The following ZUP1 variants were observed in gnomAD, a reference collection of about 807,000 sequenced individuals.
The protein encoded by ZUP1 is zinc finger-containing ubiquitin peptidase 1.
Under a neutral mutation model 68.1 loss-of-function variants are expected in ZUP1, and 55 were observed. The observed-to-expected ratio is 0.81, with a 90% CI of 0.65 to 1.01. ZUP1 has a LOEUF of 1.01. Among genes scored for constraint, ZUP1 ranks in the 50% least tolerant of loss-of-function variants. ZUP1 has a pLI of 0.00. For missense variants in ZUP1, 684 were observed against 674.9 expected, an observed-to-expected ratio of 1.01 and a Z score of -0.15; for synonymous variants, 223 against 221.5, an observed-to-expected ratio of 1.01 and a Z score of -0.06.
intron 9 of ZUP1, among the ~76,000 whole-genome samples, chr6:116,645,121 C>CA (rs1295012185): frequency 6.8e-6 from 1 of 146,574 alleles, no homozygotes; most frequent in African/African-American, 2.5e-5. Context: ...ATTTAAAATG[C>CA]AAAAAAATTA....
intron 9 of ZUP1, among the ~76,000 whole-genome samples, chr6:116,636,921 G>C (rs539165202): frequency 6.6e-6 from 1 of 152,058 alleles, no homozygotes; most frequent in Non-Finnish European, 1.5e-5. Context: ...TAAAGCTGCA[G>C]ACTTTTACCT....
intron 4 of ZUP1, among the ~76,000 whole-genome samples, 170 bp from the exon 5 acceptor site, chr6:116,657,022 CACAAAA>C (rs776379452): frequency 1.1e-5 from 1 of 90,184 alleles, no homozygotes; most frequent in African/African-American, 4.0e-5. Flanking sequence ...CACACACACA[CACAAAA>C]AAAAATTATT....
intron 9 of ZUP1, among the ~76,000 whole-genome samples, chr6:116,641,801 C>T (rs983658718): frequency 3.3e-5 from 5 of 152,042 alleles, no homozygotes; most frequent in Non-Finnish European, 4.4e-5. Flanking sequence ...AGAGCAAACA[C>T]ATTCAAAAGC....
At chr6:116,644,571 C>T (rs1413013983) in intron 9 of ZUP1, among the ~76,000 whole-genome samples, 1 of 151,684 alleles carries the variant, frequency 6.6e-6, no homozygotes, top group Non-Finnish European at 1.5e-5. Flanking sequence ...TCATCATTCT[C>T]AGTAAACTAT....
At position 116,651,553 on chromosome 6, in the gene ZUP1, T is replaced by C; in HGVS notation, c.1316+19A>G. 6.5e-7 allele frequency: 1 copy of C among 1,535,390 alleles called. No homozygotes were observed. The highest frequency in any genetic ancestry group is 8.8e-7 in the Non-Finnish European group (1 of 1,140,948). On this transcript the variant is annotated intron_variant, in intron 7 of 9. Transcript: ENST00000368576. ...CCCCGATAAGGAAATAACATTTATT[T>C]AGGTTTTAAGGTACATACTTTACCC...
chr6:116,639,425 C>G (rs1180002276), intron 9 of ZUP1, among the ~76,000 whole-genome samples: 1 of 152,212 alleles, frequency 6.6e-6, no homozygotes, highest in South Asian at 2.1e-4. Context: ...AGCAGCCTAA[C>G]GGGGAGGCAT....
At chr6:116,662,026 T>G (rs1280666974) in intron 2 of ZUP1, among the ~76,000 whole-genome samples, 1 of 151,926 alleles carries the variant, frequency 6.6e-6, no homozygotes, top group African/African-American at 2.4e-5. Flanking sequence ...AGAAAGTTAC[T>G]AAGAAAAAAT....
chr6:116,644,291 G>C (rs1165309676), intron 9 of ZUP1, among the ~76,000 whole-genome samples: 1 of 152,116 alleles, frequency 6.6e-6, no homozygotes, highest in Non-Finnish European at 1.5e-5. Flanking sequence ...TGATTCCTCA[G>C]GGATCTAGAA....
At chr6:116,664,339 G>A (rs1020105977) in intron 2 of ZUP1, among the ~76,000 whole-genome samples, 9 of 151,844 alleles carry the variant, frequency 5.9e-5, no homozygotes, top group African/African-American at 2.2e-4. Context: ...GCTGAGACAG[G>A]AGAATTGCTT....
intron 6 of ZUP1, 77 bp from the exon 7 acceptor site, chr6:116,651,814 CG>C: frequency 6.5e-7 from 1 of 1,533,140 alleles, no homozygotes; most frequent in Non-Finnish European, 8.8e-7. Context: ...ATTATGTACT[CG>C]GGGAACTTTA....
At chr6:116,656,951 T>A (rs2114267866) in intron 4 of ZUP1, 99 bp from the exon 5 acceptor site, 5 of 823,548 alleles carry the variant, frequency 6.1e-6, no homozygotes, top group Non-Finnish European at 7.1e-6. Flanking sequence ...GTTGAAACAT[T>A]CTGGTTTATA....
intron 8 of ZUP1, among the ~76,000 whole-genome samples, chr6:116,647,025 A>G (rs549313413): frequency 7.2e-5 from 11 of 152,248 alleles, no homozygotes; most frequent in African/African-American, 2.7e-4. Flanking sequence ...TGAAGATGTC[A>G]GGAATATCAG....
Position 116,645,866 on chromosome 6 carries a change from G to A in ZUP1, c.1537C>T (p.Pro513Ser), listed in dbSNP as rs1776286650. The change falls in exon 9 of 10, where the codon CCT becomes TCT. Residue 513 changes from proline to serine, a missense_variant. Coordinates refer to ENST00000368576, the MANE Select transcript of ZUP1 (RefSeq NM_145062.3). The stretch of plus-strand genomic sequence containing the variant: ...TGCATTTCTCGAGAAGGACATCCAG[G>A]ATCAAGTATTAGTAAGCATAATGTT... ...NRTLCLLILD[P>S]GCPSREMQKL... 1 of 1,613,678 alleles carries A rather than the reference G, an allele frequency of 6.2e-7. No homozygotes were observed. The highest frequency in any genetic ancestry group is 1.3e-5 in the African/African-American group (1 of 74,894).
chr6:116,661,566 G>A (rs1776842596), intron 2 of ZUP1, among the ~76,000 whole-genome samples: 1 of 152,188 alleles, frequency 6.6e-6, no homozygotes. Context: ...GGAGATTAAA[G>A]AGCTGCATCC....
chr6:116,651,505 A>G, intron 7 of ZUP1, 67 bp downstream of exon 7: 4 of 1,397,482 alleles, frequency 2.9e-6, no homozygotes, highest in South Asian at 1.5e-5. Context: ...TTGCTAAAAA[A>G]TAAAATTTTA....
intron 4 of ZUP1, among the ~76,000 whole-genome samples, chr6:116,658,063 A>G (rs929023684): frequency 6.6e-6 from 1 of 152,214 alleles, no homozygotes; most frequent in Non-Finnish European, 1.5e-5. Flanking sequence ...ATTGCATTCC[A>G]GCCTGGGCGA....
At position 116,651,736 on chromosome 6, in the gene ZUP1, A is replaced by G; in HGVS notation, c.1152T>C (p.Gly384=). The G allele has an allele frequency of 6.2e-7, 1 of 1,613,086 alleles. No individual in the cohort carries two copies. The highest frequency in any genetic ancestry group is 8.5e-7 in the Non-Finnish European group (1 of 1,179,638). The part of the protein sequence containing the change: ...QNDAYNDCLK[G]MLIPCIPKIQ... The stretch of plus-strand genomic sequence containing the variant: ...TTTTTGGAATGCAAGGAATCAACAT[A>G]CCTAAAATTACACAAGCAAACATGT... The change falls in exon 7 of 10, where the codon GGT becomes GGC. Residue 384 remains glycine, a splice_region_variant and synonymous_variant. Transcript: ENST00000368576.
chr6:116,644,724 A>C (rs1776233903), intron 9 of ZUP1, among the ~76,000 whole-genome samples: 2 of 151,962 alleles, frequency 1.3e-5, no homozygotes, highest in African/African-American at 4.8e-5. Flanking sequence ...AGCATTAGGA[A>C]ATATACCTAA....
chr6:116,651,201 T>C (rs1299942274), intron 7 of ZUP1, among the ~76,000 whole-genome samples: 1 of 152,214 alleles, frequency 6.6e-6, no homozygotes, highest in Non-Finnish European at 1.5e-5. Context: ...TACACAATTG[T>C]ATAATAAAAT....
Sources: gnomAD v4.1 joint callset for allele counts (sites outside exome capture counted in the v4.1 genomes callset) on GRCh38, gnomAD v4.1.1 for gene constraint, MANE v1.5 for transcripts, NCBI Gene and HGNC (gene_info 2026-07-23, HGNC 2026-07-21) for gene names.